The following PAK5 variants were observed in gnomAD, a reference collection of about 807,000 sequenced individuals.
The protein encoded by PAK5 is p21 (RAC1) activated kinase 5.
A neutral mutation model predicts 65.9 loss-of-function variants in PAK5; 16 were observed. The observed-to-expected ratio is 0.24, with a 90% confidence interval of 0.16 to 0.37. The LOEUF (loss-of-function observed/expected upper bound fraction) is 0.37. Among genes scored for constraint, PAK5 ranks in the 10% least tolerant of loss-of-function variants. The pLI is 1.00. For missense variants in PAK5, 785 were observed against 903.9 expected (o/e 0.87, Z 1.69); for synonymous variants, 371 against 354.9 (o/e 1.05, Z -0.51).
chr20:9,666,337 A>G (rs183115954), intron 2 of PAK5, among the ~76,000 whole-genome samples: 1 of 151,920 alleles, frequency 6.6e-6, no homozygotes, highest in Admixed American at 6.6e-5. Flanking sequence ...AGTGACAATA[A>G]CAGAAAGAAT....
chr20:9,716,920 C>T (rs556231067), intron 1 of PAK5, among the ~76,000 whole-genome samples: 11 of 151,936 alleles, frequency 7.2e-5, no homozygotes, highest in African/African-American at 2.4e-4. Context: ...CCCGTCTCCA[C>T]AGAAAAATAC....
At chr20:9,779,387 A>T (rs992565605) in intron 1 of PAK5, among the ~76,000 whole-genome samples, 5 of 150,762 alleles carry the variant, frequency 3.3e-5, no homozygotes, top group African/African-American at 1.2e-4. Flanking sequence ...TTAAATTTAT[A>T]GTTCACTTTT....
At chr20:9,631,924 A>G (rs899022949) in intron 3 of PAK5, among the ~76,000 whole-genome samples, 5 of 152,238 alleles carry the variant, frequency 3.3e-5, no homozygotes, top group Non-Finnish European at 5.9e-5. Context: ...TTAAAATTAC[A>G]CAATAAAACA....
intron 3 of PAK5, among the ~76,000 whole-genome samples, chr20:9,614,875 T>C (rs564008945): frequency 1.3e-5 from 2 of 152,224 alleles, no homozygotes; most frequent in Non-Finnish European, 2.9e-5. Context: ...AGGTCATATC[T>C]ACATAACAAA....
intron 1 of PAK5, among the ~76,000 whole-genome samples, chr20:9,719,364 T>G (rs2048187954): frequency 6.6e-6 from 1 of 152,318 alleles, no homozygotes; most frequent in South Asian, 2.1e-4. Context: ...CTATTTTATT[T>G]TTCTTTTCAG....
chr20:9,604,881 T>A (rs562711775), intron 3 of PAK5, among the ~76,000 whole-genome samples: 8 of 152,276 alleles, frequency 5.3e-5, no homozygotes, highest in African/African-American at 1.9e-4. Context: ...TGGGGCGTTA[T>A]CTGGGATGCA....
intron 4 of PAK5, among the ~76,000 whole-genome samples, chr20:9,571,583 A>T (rs552704520): frequency 6.6e-6 from 1 of 152,212 alleles, no homozygotes; most frequent in Non-Finnish European, 1.5e-5. Context: ...CATTTCCAAC[A>T]TTCATTGATT....
At chr20:9,787,738 C>T (rs1004525618) in intron 1 of PAK5, among the ~76,000 whole-genome samples, 1 of 151,400 alleles carries the variant, frequency 6.6e-6, no homozygotes, top group East Asian at 1.9e-4. Flanking sequence ...CTGCTAAGTG[C>T]AGATTTGGGA....
intron 1 of PAK5, among the ~76,000 whole-genome samples, chr20:9,724,712 C>T (rs543431716): frequency 2.6e-5 from 4 of 152,150 alleles, no homozygotes; most frequent in South Asian, 4.1e-4. Context: ...AGTTCATCTT[C>T]GCTAGTCATT....
At chr20:9,638,744 GC>G (rs1289480110) in intron 3 of PAK5, among the ~76,000 whole-genome samples, 3 of 152,180 alleles carry the variant, frequency 2.0e-5, no homozygotes, top group Non-Finnish European at 4.4e-5. Context: ...GTCCTGGTAA[GC>G]GTGACAATGG....
intron 3 of PAK5, among the ~76,000 whole-genome samples, chr20:9,625,942 T>C (rs530335416): frequency 6.6e-6 from 1 of 152,294 alleles, no homozygotes; most frequent in African/African-American, 2.4e-5. Flanking sequence ...TCATAGGATT[T>C]GGAAGGTGAA....
intron 1 of PAK5, among the ~76,000 whole-genome samples, chr20:9,735,655 C>T (rs909957998): frequency 6.6e-6 from 1 of 151,892 alleles, no homozygotes; most frequent in Non-Finnish European, 1.5e-5. Context: ...GAAACAAAAA[C>T]AACAAAAAAC....
intron 1 of PAK5, among the ~76,000 whole-genome samples, chr20:9,763,535 A>G (rs999184421): frequency 6.6e-6 from 1 of 152,030 alleles, no homozygotes; most frequent in African/African-American, 2.4e-5. Context: ...ATGAAAAACA[A>G]AACAAAAAAA....
chr20:9,588,039 T>C (rs1487572493), intron 3 of PAK5, among the ~76,000 whole-genome samples: 4 of 152,300 alleles, frequency 2.6e-5, no homozygotes, highest in South Asian at 4.1e-4. Context: ...CCTTTGAAGA[T>C]GAAACATTTC....
chr20:9,542,643 G>A lies in PAK5; in HGVS notation c.1947C>T (p.Leu649=). The change falls in exon 9 of 10, where the codon CTC becomes CTT. Residue 649 remains leucine (L), a synonymous_variant. Transcript: ENST00000353224. The part of the protein sequence containing the change: ...GEPPYFNEPP[L]QAMRRIRDSL... ...TGTCCCGGATCCTCCGCATCGCCTGGAGGGGAGGCTCATTGAAGTAGGGGG... is the reference window on the plus strand; with the variant it reads ...TGTCCCGGATCCTCCGCATCGCCTGAAGGGGAGGCTCATTGAAGTAGGGGG... The A allele has an allele frequency of 1.9e-6, 3 of 1,614,034 alleles. No individual in the cohort carries two copies. Among genetic ancestry groups the A allele is most frequent in the Non-Finnish European group, 2.5e-6 (3 of 1,179,906 alleles).
rs1318016788 is a variant in PAK5, at chr20:9,723,320, G to A, written c.-161-11885C>T. 3.9e-5 allele frequency among the ~76,000 whole-genome samples: 6 copies of A among 152,152 alleles called. No homozygotes were observed. In the East Asian group the frequency reaches 1.2e-3, roughly 29 times the overall value. ...ATTTTGAAACTTTAGTTGACTTATTGATGGCTTTGAGGTGCAAGGGAAAGT... is the reference window on the plus strand; with the variant it reads ...ATTTTGAAACTTTAGTTGACTTATTAATGGCTTTGAGGTGCAAGGGAAAGT... On this transcript the variant is annotated intron_variant, in intron 1 of 9. Transcript: ENST00000353224.
chr20:9,544,026 G>A (rs996172817), intron 8 of PAK5, among the ~76,000 whole-genome samples: 1 of 152,154 alleles, frequency 6.6e-6, no homozygotes, highest in African/African-American at 2.4e-5. Flanking sequence ...TCTCATGCCT[G>A]CTCATCTGCA....
At chr20:9,783,511 C>T (rs2048963363) in intron 1 of PAK5, among the ~76,000 whole-genome samples, 1 of 152,112 alleles carries the variant, frequency 6.6e-6, no homozygotes, top group Non-Finnish European at 1.5e-5. Flanking sequence ...AGGCAGGGAA[C>T]TCTAAGAACT....
chr20:9,566,455 G>A (rs2045683331), intron 4 of PAK5, 71 bp from the exon 5 acceptor site: 2 of 1,425,252 alleles, frequency 1.4e-6, no homozygotes, highest in Non-Finnish European at 1.9e-6. Flanking sequence ...TGGTGAGTGA[G>A]CTGACTGACA....
Sources: gnomAD v4.1 joint callset for allele counts (sites outside exome capture counted in the v4.1 genomes callset) on GRCh38, gnomAD v4.1.1 for gene constraint, MANE v1.5 for transcripts, NCBI Gene and HGNC (gene_info 2026-07-23, HGNC 2026-07-21) for gene names.